Variants in KEAP1 observed in about 807,000 individuals in gnomAD.
The protein encoded by KEAP1 is kelch like ECH associated protein 1.
KEAP1 carries 26 observed loss-of-function variants against 59.7 expected under a neutral mutation model. The ratio of observed to expected loss-of-function variants is 0.44; its 90% confidence interval spans 0.32 to 0.60. The LOEUF is 0.60. Among genes scored for constraint, KEAP1 ranks in the 20% least tolerant of loss-of-function variants. The pLI, the probability that KEAP1 is intolerant of heterozygous loss-of-function variation, is 0.06. For missense variants in KEAP1, 539 were observed against 871.4 expected, an observed-to-expected ratio of 0.62 and a Z score of 4.80; for synonymous variants, 350 against 358.3, an observed-to-expected ratio of 0.98 and a Z score of 0.26.
In KEAP1 at chr19:10,489,293, C is replaced by A. The variant is rs773704533; in HGVS notation, c.1607G>T (p.Arg536Leu). ...CCACGTCTCTGTTTCCACATCGTAGCGCTCCACGCTGTTCAGCTGGTCCTG... is the reference window on the plus strand; with the variant it reads ...CCACGTCTCTGTTTCCACATCGTAGAGCTCCACGCTGTTCAGCTGGTCCTG... Reference protein sequence around the residue: ...DGQDQLNSVERYDVETETWTF... With the variant: ...DGQDQLNSVELYDVETETWTF... The change falls in exon 5 of 6, where the codon CGC (arginine) becomes CTC (leucine). Residue 536 changes from arginine (R) to leucine (L), a missense_variant. Around this residue, in one of 4 missense-constraint regions of KEAP1, gnomAD observed 311 missense variants for 425.2 expected, o/e 0.73. Transcript: ENST00000171111. The A allele has an allele frequency of 6.2e-7, 1 of 1,614,004 alleles. No individual in the cohort carries two copies. Among genetic ancestry groups the A allele is most frequent in the South Asian group, 1.1e-5 (1 of 91,080 alleles).
intron 2 of KEAP1, 54 bp from the exon 3 acceptor site, chr19:10,492,316 C>T (rs1331981584): frequency 7.4e-7 from 1 of 1,358,732 alleles, no homozygotes; most frequent in Non-Finnish European, 1.0e-6. Context: ...CCACACCTCA[C>T]CAAGCAGGAC....
intron 2 of KEAP1, among the ~76,000 whole-genome samples, chr19:10,497,792 G>T (rs1035893200): frequency 5.3e-5 from 8 of 152,190 alleles, no homozygotes; most frequent in Non-Finnish European, 1.0e-4. Flanking sequence ...TACTCAGGAG[G>T]CTGAGATAGG....
In KEAP1 at chr19:10,491,668, G is replaced by A. The variant is rs147613351; in HGVS notation, c.1234C>T (p.Pro412Ser). ...QWSPCAPMSV[P>S]RNRIGVGVID... is the part of the protein sequence containing the mutation. The stretch of plus-strand genomic sequence containing the variant: ...ACCCCCACCCCGATGCGGTTACGGG[G>A]CACGCTCATGGGGGCGCAGGGCGAC... Residue 412 changes from proline to serine, a missense_variant, in exon 3 of 6, where the codon CCC becomes TCC. By Grantham distance (74) the Pro-to-Ser change is moderately conservative. Around this residue, in one of 4 missense-constraint regions of KEAP1, gnomAD observed 311 missense variants for 425.2 expected, o/e 0.73. Coordinates refer to ENST00000171111, the MANE Select transcript of KEAP1 (RefSeq NM_203500.2). This position sits in a 1 kb window ranked among gnomAD's most constrained non-coding sequence, Gnocchi z 5.2. The A allele has an allele frequency of 4.0e-4, 636 of 1,586,996 alleles. No individual in the cohort carries two copies. Among genetic ancestry groups the A allele is most frequent in the Non-Finnish European group, 4.3e-4 (497 of 1,167,924 alleles).
rs1328259682 is a variant in KEAP1 at position 10,486,822 on chromosome 19, C to A, written c.1709-4G>T. The A allele has an allele frequency of 1.2e-6, 2 of 1,610,816 alleles. No homozygotes were observed. The highest frequency in any genetic ancestry group is 8.5e-7 in the Non-Finnish European group (1 of 1,178,092). Reference sequence around the variant, plus strand: ...AACGTGTGACCATCATAGCCTCCTGCGGGAAGAACAGAAGGGATGGTCACC... The same window carrying A: ...AACGTGTGACCATCATAGCCTCCTGAGGGAAGAACAGAAGGGATGGTCACC... On this transcript the variant is annotated splice_region_variant and splice_polypyrimidine_tract_variant and intron_variant, in intron 5 of 5. Transcript: ENST00000171111.
In KEAP1 at chr19:10,489,311, T is replaced by G. The variant is rs775608691; in HGVS notation, c.1589A>C (p.Gln530Pro). Reference sequence around the variant, plus strand: ...ATCGTAGCGCTCCACGCTGTTCAGCTGGTCCTGACCATCATAGCCCCCAGC... The same window carrying G: ...ATCGTAGCGCTCCACGCTGTTCAGCGGGTCCTGACCATCATAGCCCCCAGC... ...YAAGGYDGQDQLNSVERYDVE... is the reference protein window; with the variant it reads ...YAAGGYDGQDPLNSVERYDVE... The change falls in exon 5 of 6, where the codon CAG becomes CCG. Residue 530 changes from glutamine (Q) to proline (P), a missense_variant. Physicochemically the swap from Gln to Pro is moderately conservative, Grantham distance 76. Transcript: ENST00000171111. 6.2e-7 allele frequency: 1 copy of G among 1,614,032 alleles called. No individual in the cohort carries two copies. Among genetic ancestry groups the G allele is most frequent in the Non-Finnish European group, 8.5e-7 (1 of 1,179,988 alleles).
At chr19:10,489,014 G>A (rs1315966005) in intron 5 of KEAP1, among the ~76,000 whole-genome samples, 178 bp downstream of exon 5, 1 of 149,434 alleles carries the variant, frequency 6.7e-6, no homozygotes, top group Non-Finnish European at 1.5e-5. Context: ...AGGATGGCTG[G>A]AGCCCAGGCT....
At chr19:10,487,953 A>C (rs1242705743) in intron 5 of KEAP1, among the ~76,000 whole-genome samples, 3 of 152,002 alleles carry the variant, frequency 2.0e-5, no homozygotes, top group Admixed American at 1.3e-4. Flanking sequence ...ACATGGAGAA[A>C]ACCCTTCTCT....
chr19:10,496,502 CAAAAA>C (rs111471665), intron 2 of KEAP1, among the ~76,000 whole-genome samples: 10,008 of 128,356 alleles, frequency 0.078, 447 homozygotes, highest in Middle Eastern at 0.11. Context: ...CCCCCACCCC[CAAAAA>C]AAAAAAAAAG....
chr19:10,489,729 G>A lies in KEAP1; in HGVS notation c.1450C>T (p.Leu484Phe), dbSNP rs1170796427. Reference protein sequence around the residue: ...AVGGFDGTNRLNSAECYYPER... With the variant: ...AVGGFDGTNRFNSAECYYPER... Reference sequence around the variant, plus strand: ...GGGTAGTAACACTCAGCTGAATTAAGGCGGTTTGTCCCGTCAAAGCCCCCC... The same window carrying A: ...GGGTAGTAACACTCAGCTGAATTAAAGCGGTTTGTCCCGTCAAAGCCCCCC... Residue 484 changes from leucine (L) to phenylalanine (F), a missense_variant, in exon 4 of 6, where the codon CTT becomes TTT. Around this residue, in one of 4 missense-constraint regions of KEAP1, gnomAD observed 311 missense variants for 425.2 expected, o/e 0.73. Transcript: ENST00000171111. The A allele has an allele frequency of 1.2e-6, 2 of 1,613,906 alleles. No homozygotes were observed. The highest frequency in any genetic ancestry group is 2.7e-5 in the African/African-American group (2 of 74,902).
chr19:10,489,272 G>C lies in KEAP1; in HGVS notation c.1628C>G (p.Thr543Arg), dbSNP rs111830952. 1 of 1,613,750 alleles carries C rather than the reference G, an allele frequency of 6.2e-7. No individual in the cohort carries two copies. Among genetic ancestry groups the C allele is most frequent in the Non-Finnish European group, 8.5e-7 (1 of 1,180,012 alleles). ...SVERYDVETE[T>R]WTFVAPMKHR... is the part of the protein sequence containing the mutation. Reference sequence around the variant, plus strand: ...CTTCATGGGGGCTACGAAAGTCCACGTCTCTGTTTCCACATCGTAGCGCTC... The same window carrying C: ...CTTCATGGGGGCTACGAAAGTCCACCTCTCTGTTTCCACATCGTAGCGCTC... Residue 543 changes from threonine to arginine, a missense_variant, in exon 5 of 6, where the codon ACG becomes AGG. Around this residue, in one of 4 missense-constraint regions of KEAP1, gnomAD observed 311 missense variants for 425.2 expected, o/e 0.73. Transcript: ENST00000171111.
At chr19:10,498,115 G>A (rs1914912289) in intron 2 of KEAP1, among the ~76,000 whole-genome samples, 2 of 151,510 alleles carry the variant, frequency 1.3e-5, no homozygotes, top group Non-Finnish European at 2.9e-5. Context: ...GGTCAGGCTG[G>A]TCTTGAACTC....
rs989233610 is a variant in KEAP1 at position 10,499,473 on chromosome 19, G to A, written c.561C>T (p.Ile187=). 9 of 1,614,012 alleles carry A rather than the reference G, an allele frequency of 5.6e-6. No homozygotes were observed. The highest frequency in any genetic ancestry group is 1.6e-4 in the Middle Eastern group (1 of 6,084). Residue 187 remains isoleucine, a synonymous_variant, in exon 2 of 6, where the codon ATC becomes ATT. Coordinates refer to ENST00000171111, the MANE Select transcript of KEAP1 (RefSeq NM_203500.2). This position sits in a 1 kb window ranked among gnomAD's most constrained non-coding sequence, Gnocchi z 6.7. ...AGCCAATCTGCTCAGCGAAGTTGGC[G>A]ATGCCGATGGCATTGCTGGGGTCCA... The part of the protein sequence containing the change: ...QQLDPSNAIG[I]ANFAEQIGCV...
At position 10,492,141 on chromosome 19, in the gene KEAP1, T is replaced by C. The variant is rs374203165; in HGVS notation, c.761A>G (p.Lys254Arg). The change falls in exon 3 of 6, where the codon AAG becomes AGG. Residue 254 changes from lysine to arginine, a missense_variant. By Grantham distance (26) the Lys-to-Arg change is conservative. Coordinates refer to ENST00000171111, the MANE Select transcript of KEAP1 (RefSeq NM_203500.2). ...GAACCGTCGCTGTTCGCAGTCGTAC[T>C]TGACCCAGTTGATGCAGGCGTGGAA... ...EVFHACINWV[K>R]YDCEQRRFYV... is the part of the protein sequence containing the mutation. The C allele has an allele frequency of 8.1e-6, 13 of 1,613,946 alleles. No individual in the cohort carries two copies. In the African/African-American group the frequency reaches 1.6e-4, roughly 20 times the overall value.
rs369742912 is a variant in KEAP1 at position 10,486,730 on chromosome 19, C to T, written c.1797G>A (p.Ser599=). ...CAGCCACGCCCACCCCACTCCGGCC[C>T]GATGTCATTCGGGTCACCTCGCTCC... The part of the protein sequence containing the change: ...DTWSEVTRMT[S]GRSGVGVAVT... Residue 599 remains serine, a synonymous_variant, in exon 6 of 6, where the codon TCG becomes TCA. Transcript: ENST00000171111. 5.6e-6 allele frequency: 9 copies of T among 1,613,964 alleles called. No homozygotes were observed. Among genetic ancestry groups the T allele is most frequent in the East Asian group, 2.2e-5 (1 of 44,890 alleles).
chr19:10,488,406 C>T (rs7259486), intron 5 of KEAP1, among the ~76,000 whole-genome samples: 14,682 of 149,734 alleles, frequency 0.098, 818 homozygotes, highest in South Asian at 0.21. Context: ...TGAGGTCAGG[C>T]GTTCAAGACC....
rs1914709523 is a variant in KEAP1, at chr19:10,492,518, G to A, written c.640-256C>T. On this transcript the variant is annotated intron_variant, in intron 2 of 5. Transcript: ENST00000171111. ...CGGATCACGAGGTCAGGAGTTGAGA[G>A]ACAAGCCTGGCCAATATGGTGAAAC... The A allele has an allele frequency of 6.3e-6, 3 of 475,694 alleles. No individual in the cohort carries two copies. The South Asian group carries it at 6.7e-5, about 11-fold the overall frequency. The allele number at this position is 475,694 out of a possible 1,614,324, so 29.5% of individuals were successfully genotyped here.
chr19:10,500,555 T>C (rs1219550626), intron 1 of KEAP1, among the ~76,000 whole-genome samples: 1 of 152,070 alleles, frequency 6.6e-6, no homozygotes, highest in Non-Finnish European at 1.5e-5. Flanking sequence ...AATCCTACCC[T>C]GCCAGAGCTG....
In KEAP1 at chr19:10,489,360, C is replaced by T. The variant is rs371976438; in HGVS notation, c.1540G>A (p.Val514Ile). 4.2e-5 allele frequency: 67 copies of T among 1,612,760 alleles called. No individual in the cohort carries two copies. In the South Asian group the frequency reaches 4.2e-4, roughly 10 times the overall value. Residue 514 changes from valine (V) to isoleucine (I), a missense_variant, in exon 5 of 6, where the codon GTC becomes ATC. Val to Ile is a conservative substitution (Grantham distance 29, BLOSUM62 3). Coordinates refer to ENST00000171111, the MANE Select transcript of KEAP1 (RefSeq NM_203500.2). ...GCAGCATAGATACAGTTGTGCAGGA[C>T]GCAGACGCCTAAAGGGCACCATGCA... Reference protein sequence around the residue: ...NTIRSGAGVCVLHNCIYAAGG... With the variant: ...NTIRSGAGVCILHNCIYAAGG...
chr19:10,487,146 C>A (rs1427861272), intron 5 of KEAP1, among the ~76,000 whole-genome samples: 2 of 151,216 alleles, frequency 1.3e-5, no homozygotes, highest in Non-Finnish European at 2.9e-5. Flanking sequence ...GAGTTTGAGA[C>A]CAGCCTGGGC....
Sources: gnomAD v4.1 joint callset for allele counts (sites outside exome capture counted in the v4.1 genomes callset) on GRCh38, gnomAD v4.1.1 for gene constraint, gnomAD v4.1.1 regional missense constraint, Gnocchi (gnomAD v3.1) non-coding constraint, MANE v1.5 for transcripts, NCBI Gene and HGNC (gene_info 2026-07-23, HGNC 2026-07-21) for gene names.